TOPAZ1: variants seen among roughly 807,000 people sequenced by gnomAD.
The protein encoded by TOPAZ1 is testis and ovary specific TOPAZ 1.
In TOPAZ1, 66 loss-of-function variants were observed where a neutral mutation model predicts 172.2. The ratio of observed to expected loss-of-function variants is 0.38; its 90% CI spans 0.31 to 0.47. The LOEUF (loss-of-function observed/expected upper bound fraction) is 0.47, where lower values mean the gene tolerates loss of function less well. TOPAZ1 is among the 20% of genes least tolerant of loss of function. TOPAZ1 has a pLI of 0.99. For missense variants in TOPAZ1, 1,822 were observed against 1,972.4 expected, an observed-to-expected ratio of 0.92 and a Z score of 1.44; for synonymous variants, 681 against 683.9, an observed-to-expected ratio of 1.00 and a Z score of 0.07.
chr3:44,325,061 G>A (rs773668164), intron 18 of TOPAZ1, among the ~76,000 whole-genome samples: 1 of 152,166 alleles, frequency 6.6e-6, no homozygotes, highest in Non-Finnish European at 1.5e-5. Flanking sequence ...GAATAAAAAT[G>A]AGTAATTTAC....
At chr3:44,335,671 G>A (rs935745900), downstream of TOPAZ1, among the ~76,000 whole-genome samples, 1 of 152,046 alleles carries the variant, frequency 6.6e-6, no homozygotes, top group South Asian at 2.1e-4. Context: ...CTCAATCTTG[G>A]GCTAAGACTC....
chr3:44,318,299 A>G (rs867417019), intron 16 of TOPAZ1, among the ~76,000 whole-genome samples: 2 of 152,258 alleles, frequency 1.3e-5, no homozygotes, highest in Middle Eastern at 3.4e-3. Context: ...TAAAAATACA[A>G]AAATTAGCTG....
chr3:44,242,379 C>T lies in TOPAZ1; in HGVS notation c.326C>T (p.Pro109Leu). Residue 109 changes from proline (P) to leucine (L), a missense_variant, in exon 1 of 20, where the codon CCC (proline) becomes CTC (leucine). Coordinates refer to ENST00000309765, the MANE Select transcript of TOPAZ1 (RefSeq NM_001145030.2). Reference protein sequence around the residue: ...GLEAAKEAELPLQTERHTKEK... With the variant: ...GLEAAKEAELLLQTERHTKEK... ...GAAGCAGCAAAGGAGGCTGAACTCC[C>T]CTTGCAAACGGAAAGACACAGTAAG... The T allele has an allele frequency of 6.4e-7, 1 of 1,552,364 alleles. No individual in the cohort carries two copies. Among genetic ancestry groups the T allele is most frequent in the East Asian group, 2.4e-5 (1 of 40,910 alleles).
intron 2 of TOPAZ1, among the ~76,000 whole-genome samples, chr3:44,246,796 A>G (rs1699572193): frequency 6.6e-6 from 1 of 152,188 alleles, no homozygotes; most frequent in South Asian, 2.1e-4. Flanking sequence ...CTTTCTGTAA[A>G]AAGGGAAAGT....
At chr3:44,295,261 T>G (rs116674921) in intron 12 of TOPAZ1, among the ~76,000 whole-genome samples, 136 of 152,292 alleles carry the variant, frequency 8.9e-4, no homozygotes, top group African/African-American at 3.0e-3. Context: ...CCCAAGGTTA[T>G]TCATTGCAGC....
chr3:44,335,941 A>G (rs1302796574), downstream of TOPAZ1, among the ~76,000 whole-genome samples: 5 of 152,190 alleles, frequency 3.3e-5, no homozygotes, highest in African/African-American at 4.8e-5. Context: ...AGTTACCACA[A>G]TTGTCACGTT....
At chr3:44,322,956 A>T in intron 17 of TOPAZ1, 136 bp from the exon 18 acceptor site, 1 of 540,386 alleles carries the variant, frequency 1.9e-6, no homozygotes, top group Non-Finnish European at 3.2e-6. Flanking sequence ...ATATAAAATG[A>T]TTGCATTTTA....
chr3:44,243,564 A>G lies in TOPAZ1; in HGVS notation c.1058A>G (p.Tyr353Cys), dbSNP rs1699516172. ...ACTGAGATGAACTTCTCTAATGAGT[A>G]TAACAAGTCTGAGTTGATGTTGCAA... ...TVTEMNFSNE[Y>C]NKSELMLQEN... The change falls in exon 2 of 20, where the codon TAT (tyrosine) becomes TGT (cysteine). Residue 353 changes from tyrosine to cysteine, a missense_variant. Tyr to Cys is a radical substitution (Grantham distance 194). Coordinates refer to ENST00000309765, the MANE Select transcript of TOPAZ1 (RefSeq NM_001145030.2). The G allele has an allele frequency of 6.4e-7, 1 of 1,551,298 alleles. No homozygotes were observed. The highest frequency in any genetic ancestry group is 8.7e-7 in the Non-Finnish European group (1 of 1,146,960).
chr3:44,317,344 C>A (rs1257503868), intron 16 of TOPAZ1, among the ~76,000 whole-genome samples: 1 of 152,104 alleles, frequency 6.6e-6, no homozygotes, highest in Non-Finnish European at 1.5e-5. Flanking sequence ...TCATTTAAAC[C>A]CGGGAAGCAG....
Position 44,282,026 on chromosome 3 carries a change from G to A in TOPAZ1, c.3431G>A (p.Arg1144His), listed in dbSNP as rs1700028909. ...ININELCLLQ[R>H]AVNIFMEYYR... ...ATCAATGAACTGTGTTTGCTACAGC[G>A]TGCAGGTATGAAACAATTAAATAAT... The change falls in exon 9 of 20, where the codon CGT (arginine) becomes CAT (histidine). Residue 1144 changes from arginine (R) to histidine (H), a missense_variant. By Grantham distance (29) the Arg-to-His change is conservative. Around this residue, in one of 2 missense-constraint regions of TOPAZ1, gnomAD observed 1,489 missense variants for 1,490.8 expected, o/e 1.00. Transcript: ENST00000309765. 3 of 1,533,118 alleles carry A rather than the reference G, an allele frequency of 2.0e-6. No individual in the cohort carries two copies. The highest frequency in any genetic ancestry group is 2.6e-6 in the Non-Finnish European group (3 of 1,132,602). The allele number at this position is 1,533,118 out of a possible 1,614,324, so 95.0% of individuals were successfully genotyped here. A position where few individuals can be genotyped will look rare whatever the true frequency, so the allele number is the denominator to read the frequency against.
At chr3:44,302,879 G>C (rs1700291818) in intron 12 of TOPAZ1, among the ~76,000 whole-genome samples, 1 of 152,170 alleles carries the variant, frequency 6.6e-6, no homozygotes, top group African/African-American at 2.4e-5. Context: ...ATCTTGCTCT[G>C]TTTCCCGGGC....
intron 2 of TOPAZ1, among the ~76,000 whole-genome samples, chr3:44,246,877 A>G (rs1484097617): frequency 6.6e-6 from 1 of 152,244 alleles, no homozygotes; most frequent in African/African-American, 2.4e-5. Flanking sequence ...TAACTGTTAT[A>G]CCATACTTCC....
At chr3:44,310,391 C>T (rs1700385385) in intron 16 of TOPAZ1, among the ~76,000 whole-genome samples, 1 of 152,002 alleles carries the variant, frequency 6.6e-6, no homozygotes, top group Admixed American at 6.6e-5. Flanking sequence ...CCCAACTACT[C>T]AGGAGGCTGA....
intron 9 of TOPAZ1, among the ~76,000 whole-genome samples, chr3:44,285,102 G>A (rs572982150): frequency 5.3e-5 from 8 of 152,268 alleles, no homozygotes; most frequent in Admixed American, 5.2e-4. Context: ...ACCAAAGAAA[G>A]GAGTAAAAAT....
chr3:44,243,324 A>G lies in TOPAZ1; in HGVS notation c.818A>G (p.Asp273Gly), dbSNP rs1222770934. ...CTTAGGAGTCTTGCAGAGAAGAGTG[A>G]CACAAATAGTATTCCTCAGCTCTTA... ...ENLRSLAEKS[D>G]TNSIPQLLQT... Residue 273 changes from aspartate to glycine, a missense_variant, in exon 2 of 20, where the codon GAC becomes GGC. Around this residue, in one of 2 missense-constraint regions of TOPAZ1, gnomAD observed 1,489 missense variants for 1,490.8 expected, o/e 1.00. Coordinates refer to ENST00000309765, the MANE Select transcript of TOPAZ1 (RefSeq NM_001145030.2). 3 of 1,551,484 alleles carry G rather than the reference A, an allele frequency of 1.9e-6. No individual in the cohort carries two copies. Among genetic ancestry groups the G allele is most frequent in the Non-Finnish European group, 2.6e-6 (3 of 1,146,912 alleles).
intron 2 of TOPAZ1, among the ~76,000 whole-genome samples, chr3:44,254,161 A>G (rs75921726): frequency 2.8e-4 from 42 of 152,314 alleles, no homozygotes; most frequent in African/African-American, 1.0e-3. Flanking sequence ...GTTTTGCCAC[A>G]GTTTACACAG....
Position 44,287,747 on chromosome 3 carries a change from C to A in TOPAZ1, c.3589C>A (p.Pro1197Thr). 6.9e-7 allele frequency: 1 copy of A among 1,443,666 alleles called. No individual in the cohort carries two copies. The highest frequency in any genetic ancestry group is 9.3e-7 in the Non-Finnish European group (1 of 1,072,508). The allele number at this position is 1,443,666 out of a possible 1,614,324, so 89.4% of individuals were successfully genotyped here. ...AGTGTAATTTTTTTGTTTTATCCAG[C>A]CTTCTCTGAAAATATTACTAAACAT... ...VNLSIMVKML[P>T]SLKILLNIFE... The change falls in exon 11 of 20, where the codon CCT becomes ACT. Residue 1197 changes from proline (P) to threonine (T), a missense_variant and splice_region_variant. By Grantham distance (38) the Pro-to-Thr change is conservative (BLOSUM62 -1). This residue lies in a region of TOPAZ1 where 1,489 missense variants were observed against 1,490.8 expected (regional missense o/e 1.00). Transcript: ENST00000309765.
downstream of TOPAZ1, among the ~76,000 whole-genome samples, chr3:44,332,832 C>T (rs1424357412): frequency 6.7e-6 from 1 of 149,554 alleles, no homozygotes. Context: ...AAGGGTCGTA[C>T]TCTGTGCCCA....
chr3:44,287,925 T>C (rs1411118704), intron 11 of TOPAZ1, 86 bp downstream of exon 11: 4 of 644,896 alleles, frequency 6.2e-6, no homozygotes, highest in African/African-American at 5.9e-5. Context: ...TTGAGCTGCC[T>C]TTTATTCACA....
Sources: gnomAD v4.1 joint callset for allele counts (sites outside exome capture counted in the v4.1 genomes callset) on GRCh38, gnomAD v4.1.1 for gene constraint, gnomAD v4.1.1 regional missense constraint, MANE v1.5 for transcripts, NCBI Gene and HGNC (gene_info 2026-07-23, HGNC 2026-07-21) for gene names.